The following TMPRSS9 variants were observed in gnomAD, a reference collection of about 807,000 sequenced individuals.
The protein encoded by TMPRSS9 is transmembrane protease serine 9.
TMPRSS9 carries 113 observed loss-of-function variants against 111.4 expected under a neutral mutation model. That is an observed-to-expected ratio of 1.01 (90% CI 0.87 to 1.19). The LOEUF (loss-of-function observed/expected upper bound fraction) is 1.19, where lower values mean the gene tolerates loss of function less well. Ranked by LOEUF, TMPRSS9 falls within the 50% of genes most tolerant of loss-of-function variation. The pLI, the probability that TMPRSS9 is intolerant of heterozygous loss-of-function variation, is 0.00. For missense variants in TMPRSS9, 1,803 were observed against 1,513.1 expected, an observed-to-expected ratio of 1.19 and a Z score of -3.18; for synonymous variants, 805 against 659.1, an observed-to-expected ratio of 1.22 and a Z score of -3.39.
chr19:2,419,895 C>T (rs557496717), intron 13 of TMPRSS9, among the ~76,000 whole-genome samples: 1 of 152,100 alleles, frequency 6.6e-6, no homozygotes, highest in Admixed American at 6.6e-5. Flanking sequence ...GGTGCAGTGC[C>T]TCATGCCTGT....
intron 1 of TMPRSS9, among the ~76,000 whole-genome samples, chr19:2,395,974 C>G (rs1393781021): frequency 6.6e-6 from 1 of 152,240 alleles, no homozygotes; most frequent in Non-Finnish European, 1.5e-5. Flanking sequence ...CGCCACCGCA[C>G]TCCAGCCTGG....
chr19:2,422,802 C>T (rs946094876), intron 14 of TMPRSS9, among the ~76,000 whole-genome samples: 6 of 152,008 alleles, frequency 3.9e-5, no homozygotes, highest in East Asian at 1.9e-4. Flanking sequence ...GCAGGAGAAT[C>T]GCTTGAACCC....
Position 2,396,575 on chromosome 19 carries a change from C to T in TMPRSS9, c.179C>T (p.Thr60Met), listed in dbSNP as rs201297265. Residue 60 changes from threonine (T) to methionine (M), a missense_variant, in exon 2 of 18, where the codon ACG (threonine) becomes ATG (methionine). By Grantham distance (81) the Thr-to-Met change is moderately conservative. Transcript: ENST00000648592. ...ACACAGGGCTTCCACGTGGACCACA[C>T]GGCCGAGCTGCGGGGAATCCGGTGG... 1.1e-5 allele frequency: 18 copies of T among 1,610,500 alleles called. No homozygotes were observed. The Admixed American group carries it at 1.2e-4, about 11-fold the overall frequency.
chr19:2,368,774 G>GTTTTCTTTTTT (rs1970266037), intron 1 of TMPRSS9, among the ~76,000 whole-genome samples: 1 of 70,366 alleles, frequency 1.4e-5, no homozygotes, highest in African/African-American at 6.0e-5. Flanking sequence ...GATAAACCCA[G>GTTTTCTTTTTT]TTTTTTTTTT....
At chr19:2,394,531 T>A (rs1970667552) in intron 1 of TMPRSS9, among the ~76,000 whole-genome samples, 1 of 152,108 alleles carries the variant, frequency 6.6e-6, no homozygotes. Flanking sequence ...TTGTTTAGAG[T>A]AGAAACAGAG....
exon 16 of TMPRSS9, chr19:2,425,232 GCGT>G: frequency 6.9e-7 from 1 of 1,439,618 alleles, no homozygotes; most frequent in Non-Finnish European, 9.1e-7. Context: ...GGCACGCGCT[GCGT>G]CATCACCGGC....
chr19:2,422,055 G>C (rs368711361), exon 14 of TMPRSS9: 12 of 1,611,704 alleles, frequency 7.4e-6, no homozygotes, highest in Middle Eastern at 3.3e-4. Context: ...AAGGATGCTG[G>C]CCACCACCAG....
At chr19:2,378,218 T>C (rs1431269815) in intron 1 of TMPRSS9, among the ~76,000 whole-genome samples, 1 of 152,086 alleles carries the variant, frequency 6.6e-6, no homozygotes, top group Non-Finnish European at 1.5e-5. Flanking sequence ...CAGGTATTTC[T>C]TTACAGCAGG....
intron 1 of TMPRSS9, among the ~76,000 whole-genome samples, chr19:2,384,478 C>G (rs138417295): frequency 5.0e-4 from 75 of 151,000 alleles, no homozygotes; most frequent in Non-Finnish European, 9.7e-4. Context: ...GAATTCGAGA[C>G]CAGCCAACAT....
At position 2,425,032 on chromosome 19, in the gene TMPRSS9, C is replaced by A. The variant is rs764013108; in HGVS notation, c.2748C>A (p.Phe916Leu). Reference sequence around the variant, plus strand: ...GGGACCCCAAGCAGTGGGCGGCCTTCCTAGGCACGCCGTTCCTGAGCGGCG... The same window carrying A: ...GGGACCCCAAGCAGTGGGCGGCCTTACTAGGCACGCCGTTCCTGAGCGGCG... The change falls in exon 16 of 18, where the codon TTC (phenylalanine) becomes TTA (leucine). Residue 916 changes from phenylalanine to leucine, a missense_variant. Phe to Leu is a conservative substitution (Grantham distance 22, BLOSUM62 0). Transcript: ENST00000648592. 9.0e-6 allele frequency: 14 copies of A among 1,549,206 alleles called. No homozygotes were observed. The Admixed American group carries it at 1.7e-4, about 19-fold the overall frequency.
exon 1 of TMPRSS9, chr19:2,389,791 G>T (rs766633267): frequency 2.5e-6 from 4 of 1,612,658 alleles, no homozygotes; most frequent in Non-Finnish European, 2.5e-6. Context: ...GAGCCATGGA[G>T]CCCACTGTGG....
At chr19:2,415,370 T>C (rs1466377215) in intron 10 of TMPRSS9, among the ~76,000 whole-genome samples, 2 of 152,114 alleles carry the variant, frequency 1.3e-5, no homozygotes, top group African/African-American at 4.8e-5. Flanking sequence ...AAGGAGGCCA[T>C]AAACCTGGCT....
intron 3 of TMPRSS9, 53 bp from the exon 5 acceptor site, chr19:2,398,965 T>C (rs968183644): frequency 1.3e-6 from 2 of 1,572,656 alleles, no homozygotes; most frequent in Non-Finnish European, 1.7e-6. Flanking sequence ...TCCAGAAGAT[T>C]CCAGCAGGGC....
Position 2,421,538 on chromosome 19 carries a change from C to T in TMPRSS9, c.2155-316C>T, listed in dbSNP as rs549297485. 3.9e-5 allele frequency among the ~76,000 whole-genome samples: 6 copies of T among 152,252 alleles called. No homozygotes were observed. The East Asian group carries it at 9.7e-4, about 25-fold the overall frequency. ...TCCTGACTTCATCATCTGCCTGCCTCAGCCTCCTAAAGTGCTGGGATTACA... is the reference window on the plus strand; with the variant it reads ...TCCTGACTTCATCATCTGCCTGCCTTAGCCTCCTAAAGTGCTGGGATTACA... On this transcript the variant is annotated intron_variant, in intron 13 of 17. Coordinates refer to ENST00000648592, the Ensembl canonical transcript of TMPRSS9.
chr19:2,393,034 C>T (rs969965515), intron 1 of TMPRSS9, among the ~76,000 whole-genome samples: 2 of 152,128 alleles, frequency 1.3e-5, no homozygotes, highest in Admixed American at 6.6e-5. Context: ...CCTGTCAAAA[C>T]GGACCAGTCA....
Position 2,404,029 on chromosome 19 carries a change from G to A in TMPRSS9, c.670+834G>A, listed in dbSNP as rs565481800. 2.3e-3 allele frequency among the ~76,000 whole-genome samples: 347 copies of A among 151,450 alleles called. 1 individual carries two copies. Among genetic ancestry groups the A allele is most frequent in the African/African-American group, 7.5e-3 (309 of 41,350 alleles). On this transcript the variant is annotated intron_variant, in intron 6 of 17. Transcript: ENST00000648592. ...AAAAAAGAAAAAAAAATTAGCCAGC[G>A]TGGTGGTGGGCGCCTGTGGCCCCAG...
intron 13 of TMPRSS9, among the ~76,000 whole-genome samples, chr19:2,421,508 G>C (rs7245588): frequency 0.37 from 56,797 of 151,572 alleles, 11,676 homozygotes; most frequent in African/African-American, 0.56. Context: ...AGGCTGGCCT[G>C]GAACTCCTGA....
exon 15 of TMPRSS9, chr19:2,424,223 A>G (rs1971540343): frequency 7.0e-7 from 1 of 1,425,830 alleles, no homozygotes; most frequent in Non-Finnish European, 9.2e-7. Context: ...GGTGGCAGAG[A>G]GGTGGCTGCT....
chr19:2,413,717 C>A lies in TMPRSS9; in HGVS notation c.1272C>A (p.Pro424=), dbSNP rs528296792. 367 of 1,610,884 alleles carry A rather than the reference C, an allele frequency of 2.3e-4. 8 individuals carry two copies. The South Asian group carries it at 3.9e-3, about 17-fold the overall frequency. ...TTTCCTAGGGTGACTCAGGAGGACC[C>A]CTGGTCTGCGAGGAGCCCTCTGGCC... The change falls in exon 10 of 18, where the codon CCC becomes CCA. Residue 424 remains proline, a synonymous_variant. Transcript: ENST00000648592.
Sources: allele counts gnomAD v4.1 joint callset (sites outside exome capture counted in the v4.1 genomes callset), GRCh38; gene constraint gnomAD v4.1.1; transcripts MANE v1.5; gene names NCBI Gene and HGNC (gene_info 2026-07-23, HGNC 2026-07-21).